CDC14A: variants seen among roughly 807,000 people sequenced by gnomAD.
The protein encoded by CDC14A is dual specificity protein phosphatase CDC14A.
CDC14A carries 53 observed loss-of-function variants against 74.4 expected under a neutral mutation model. The observed-to-expected ratio is 0.71, with a 90% CI of 0.57 to 0.89. The LOEUF (loss-of-function observed/expected upper bound fraction) is 0.89, where lower values mean the gene tolerates loss of function less well. CDC14A is among the 40% of genes least tolerant of loss of function. The pLI, the probability that CDC14A is intolerant of heterozygous loss-of-function variation, is 0.00. For missense variants in CDC14A, 646 were observed against 713.7 expected (o/e 0.91, Z 1.08); for synonymous variants, 247 against 258.4 (o/e 0.96, Z 0.43).
chr1:100,396,973 C>T (rs1263345682), intron 4 of CDC14A, among the ~76,000 whole-genome samples: 3 of 151,800 alleles, frequency 2.0e-5, no homozygotes, highest in African/African-American at 4.8e-5. Flanking sequence ...GTTTAACCTG[C>T]GGCTGGCTTT....
chr1:100,499,514 A>C lies in CDC14A; in HGVS notation c.1755+252A>C, dbSNP rs796775800. ...TCTTACCCCCAACTCCTTTTTAAGT[A>C]GTTTCTCTTAAAAGGGAAATAGCTT... On this transcript the variant is annotated intron_variant, in intron 15 of 15. Transcript: ENST00000336454. 2.9e-5 allele frequency: 35 copies of C among 1,223,370 alleles called. No homozygotes were observed. The South Asian group carries it at 3.7e-4, about 13-fold the overall frequency. 75.8% of individuals were successfully genotyped at this position (1,223,370 alleles called of 1,614,324 possible). A position where few individuals can be genotyped will look rare whatever the true frequency, so the allele number is the denominator to read the frequency against.
At chr1:100,397,924 A>C (rs1571064084) in intron 4 of CDC14A, among the ~76,000 whole-genome samples, 1 of 152,212 alleles carries the variant, frequency 6.6e-6, no homozygotes, top group Admixed American at 6.5e-5. Context: ...CTTAAGACCT[A>C]AGTAGTTATA....
At chr1:100,482,583 G>A (rs886813160) in intron 10 of CDC14A, among the ~76,000 whole-genome samples, 5 of 151,916 alleles carry the variant, frequency 3.3e-5, no homozygotes, top group African/African-American at 9.7e-5. Flanking sequence ...TTATAATATC[G>A]GACTTCATTT....
intron 4 of CDC14A, among the ~76,000 whole-genome samples, chr1:100,406,036 A>G (rs1169541421): frequency 6.6e-6 from 1 of 152,324 alleles, no homozygotes; most frequent in East Asian, 1.9e-4. Flanking sequence ...TCTCACCAGC[A>G]TCTGTTGTTT....
At chr1:100,413,963 A>AT (rs1161403571) in intron 4 of CDC14A, among the ~76,000 whole-genome samples, 1 of 152,210 alleles carries the variant, frequency 6.6e-6, no homozygotes, top group African/African-American at 2.4e-5. Context: ...TCCCTCAAGT[A>AT]TTAGCATTGA....
chr1:100,452,824 G>T (rs1666280745), intron 7 of CDC14A, among the ~76,000 whole-genome samples: 1 of 152,152 alleles, frequency 6.6e-6, no homozygotes, highest in South Asian at 2.1e-4. Flanking sequence ...ACAAAATGTG[G>T]TAGGGTTGGA....
At chr1:100,461,484 A>T (rs1487394994) in intron 8 of CDC14A, among the ~76,000 whole-genome samples, 1 of 152,248 alleles carries the variant, frequency 6.6e-6, no homozygotes, top group Non-Finnish European at 1.5e-5. Flanking sequence ...AATGGGTTCC[A>T]ACTGAGATAA....
chr1:100,404,031 AT>A (rs1198145279), intron 4 of CDC14A, among the ~76,000 whole-genome samples: 1 of 152,034 alleles, frequency 6.6e-6, no homozygotes, highest in Non-Finnish European at 1.5e-5. Flanking sequence ...AGTGAGTAAA[AT>A]TGTGGCCTTT....
upstream of CDC14A, among the ~76,000 whole-genome samples, chr1:100,349,621 T>C (rs934256532): frequency 2.0e-5 from 3 of 152,216 alleles, no homozygotes; most frequent in African/African-American, 4.8e-5. Flanking sequence ...GATTTGATTA[T>C]ACTGACACTT....
At chr1:100,489,148 C>T (rs1670359423) in intron 11 of CDC14A, among the ~76,000 whole-genome samples, 2 of 152,166 alleles carry the variant, frequency 1.3e-5, no homozygotes, top group Admixed American at 6.5e-5. Context: ...ACATCTTTGC[C>T]TTTCCCCAGC....
intron 13 of CDC14A, among the ~76,000 whole-genome samples, chr1:100,496,631 G>A (rs1205420081): frequency 6.6e-6 from 1 of 152,296 alleles, no homozygotes; most frequent in South Asian, 2.1e-4. Context: ...CTCTTCACCT[G>A]CTGGTTCTTA....
chr1:100,455,533 AT>A, intron 8 of CDC14A, 41 bp downstream of exon 8: 1 of 1,096,826 alleles, frequency 9.1e-7, no homozygotes, highest in Non-Finnish European at 1.4e-6. Context: ...ATTTATTTTG[AT>A]TTATCTTTCT....
intron 15 of CDC14A, among the ~76,000 whole-genome samples, chr1:100,500,868 A>G (rs113436518): frequency 3.0e-4 from 41 of 135,058 alleles, no homozygotes; most frequent in African/African-American, 1.1e-3. Context: ...GTGTGGTTGC[A>G]TTAGATTCAT....
chr1:100,394,983 A>G (rs971365784), intron 4 of CDC14A, among the ~76,000 whole-genome samples: 1 of 152,218 alleles, frequency 6.6e-6, no homozygotes, highest in African/African-American at 2.4e-5. Context: ...CTCTGGATAC[A>G]AAAGACCTTT....
chr1:100,436,207 C>G (rs1664320082), intron 5 of CDC14A, among the ~76,000 whole-genome samples: 1 of 152,142 alleles, frequency 6.6e-6, no homozygotes. Flanking sequence ...CTTTCTGTCT[C>G]CCAGGGCCAA....
At chr1:100,415,932 G>T (rs1329021317) in intron 4 of CDC14A, among the ~76,000 whole-genome samples, 1 of 152,100 alleles carries the variant, frequency 6.6e-6, no homozygotes, top group African/African-American at 2.4e-5. Flanking sequence ...TGGATATAAT[G>T]GGAGGAAATG....
chr1:100,391,142 G>A, intron 4 of CDC14A: 1 of 353,938 alleles, frequency 2.8e-6, no homozygotes, highest in East Asian at 6.8e-5. Flanking sequence ...GTGCATGTGT[G>A]TATGTTTAAA....
chr1:100,476,891 ATTATCCCGGATTGT>A (rs559168979), intron 10 of CDC14A, among the ~76,000 whole-genome samples: 2 of 152,216 alleles, frequency 1.3e-5, no homozygotes, highest in East Asian at 1.9e-4. Context: ...ATGTGGGGAG[ATTATCCCGGATTGT>A]TTGGGTGGGC....
chr1:100,440,009 T>C lies in CDC14A; in HGVS notation c.456+11T>C, dbSNP rs762716170. On this transcript the variant is annotated intron_variant, in intron 6 of 15. Coordinates refer to ENST00000336454, the MANE Select transcript of CDC14A (RefSeq NM_003672.4). ...CAGGGAATCAGAAAGGTAATAACAA[T>C]TCTCCTTGCTGTAGTTGACACAGTA... 1 of 1,597,946 alleles carries C rather than the reference T, an allele frequency of 6.3e-7. No individual in the cohort carries two copies. Among genetic ancestry groups the C allele is most frequent in the Non-Finnish European group, 8.6e-7 (1 of 1,165,570 alleles).
Sources: gnomAD v4.1 joint callset for allele counts (sites outside exome capture counted in the v4.1 genomes callset) on GRCh38, gnomAD v4.1.1 for gene constraint, MANE v1.5 for transcripts, NCBI Gene and HGNC (gene_info 2026-07-23, HGNC 2026-07-21) for gene names.